LRP12: variants seen among roughly 807,000 people sequenced by gnomAD.
The protein encoded by LRP12 is LDL receptor related protein 12.
Under a neutral mutation model 66.0 loss-of-function variants are expected in LRP12, and 14 were observed. That is an observed-to-expected ratio of 0.21 (90% CI 0.14 to 0.33). LRP12 has a LOEUF of 0.33. LRP12 is among the 10% of genes least tolerant of loss of function. The pLI is 1.00. For missense variants in LRP12, 889 were observed against 1,053.4 expected, an observed-to-expected ratio of 0.84 and a Z score of 2.16; for synonymous variants, 357 against 359.1, an observed-to-expected ratio of 0.99 and a Z score of 0.07.
chr8:104,562,092 T>C (rs921010142), intron 1 of LRP12, among the ~76,000 whole-genome samples: 1 of 152,158 alleles, frequency 6.6e-6, no homozygotes, highest in Admixed American at 6.6e-5. Flanking sequence ...GGAAAACAAA[T>C]CCTGGCTCTA....
intron 1 of LRP12, among the ~76,000 whole-genome samples, chr8:104,541,416 CAAGAAT>C (rs922210586): frequency 9.2e-5 from 14 of 152,026 alleles, no homozygotes; most frequent in Non-Finnish European, 1.6e-4. Context: ...CTGTGGTTCA[CAAGAAT>C]AAATATGAGT....
intron 4 of LRP12, 50 bp downstream of exon 4, chr8:104,499,267 A>C: frequency 7.2e-7 from 1 of 1,392,284 alleles, no homozygotes; most frequent in Non-Finnish European, 1.0e-6. Flanking sequence ...GTGACAGAGC[A>C]GTTAATACCA....
At chr8:104,554,804 T>C (rs1481179319) in intron 1 of LRP12, among the ~76,000 whole-genome samples, 1 of 152,090 alleles carries the variant, frequency 6.6e-6, no homozygotes, top group African/African-American at 2.4e-5. Context: ...AAAAAGATCA[T>C]CACCTAGGCA....
Position 104,588,865 on chromosome 8 carries a change from C to T in LRP12, c.33G>A (p.Pro11=). The change falls in exon 1 of 7, where the codon CCG becomes CCA. Residue 11 remains proline (P), a synonymous_variant. Coordinates refer to ENST00000276654, the MANE Select transcript of LRP12 (RefSeq NM_013437.5). MACRWSTKES[P]RWRSALLLLF... is the part of the protein sequence containing the mutation. Reference sequence around the variant, plus strand: ...GCAAGAGCAACGCAGACCTCCACCGCGGAGACTCTTTTGTGCTCCAGCGAC... The same window carrying T: ...GCAAGAGCAACGCAGACCTCCACCGTGGAGACTCTTTTGTGCTCCAGCGAC... The T allele has an allele frequency of 6.2e-7, 1 of 1,611,778 alleles. No homozygotes were observed. Among genetic ancestry groups the T allele is most frequent in the Non-Finnish European group, 8.5e-7 (1 of 1,179,128 alleles).
chr8:104,493,069 T>C (rs943678522), intron 6 of LRP12, among the ~76,000 whole-genome samples: 1 of 152,162 alleles, frequency 6.6e-6, no homozygotes, highest in Admixed American at 6.5e-5. Flanking sequence ...ACTTTAACAT[T>C]TGGTTTGTCA....
chr8:104,580,676 T>C (rs535646387), intron 1 of LRP12, among the ~76,000 whole-genome samples: 2 of 152,234 alleles, frequency 1.3e-5, no homozygotes, highest in South Asian at 4.1e-4. Context: ...AACAATCATA[T>C]GAAATATAGC....
Position 104,550,465 on chromosome 8 carries a change from C to T in LRP12, c.80-18502G>A, listed in dbSNP as rs1280848288. 2.0e-5 allele frequency among the ~76,000 whole-genome samples: 3 copies of T among 152,192 alleles called. No individual in the cohort carries two copies. The East Asian group carries it at 5.8e-4, about 29-fold the overall frequency. ...TTAACTTTCTACTGTACAGTTTTGCCTTAATGTCCTAGGTATCTCAAACTA... is the reference window on the plus strand; with the variant it reads ...TTAACTTTCTACTGTACAGTTTTGCTTTAATGTCCTAGGTATCTCAAACTA... On this transcript the variant is annotated intron_variant, in intron 1 of 6. Transcript: ENST00000276654.
In LRP12 at chr8:104,509,995, A is replaced by T. The variant is rs143056110; in HGVS notation, c.137-921T>A. ...TGTTTTGGGCAGGCAAGGAAATTTC[A>T]AACTGGATCACTGAATAAGAGTTCA... On this transcript the variant is annotated intron_variant, in intron 2 of 6. Coordinates refer to ENST00000276654, the MANE Select transcript of LRP12 (RefSeq NM_013437.5). Among the ~76,000 whole-genome samples the T allele has an allele frequency of 5.3e-5, 8 of 152,352 alleles. No individual in the cohort carries two copies. In the East Asian group the frequency reaches 1.4e-3, roughly 26 times the overall value.
chr8:104,553,186 C>T (rs987193142), intron 1 of LRP12, among the ~76,000 whole-genome samples: 5 of 152,076 alleles, frequency 3.3e-5, no homozygotes, highest in African/African-American at 1.2e-4. Context: ...TCCAGTTGAA[C>T]TTTGTAACAA....
intron 1 of LRP12, among the ~76,000 whole-genome samples, chr8:104,547,622 AATATATAAT>A (rs1811608505): frequency 8.0e-6 from 1 of 125,572 alleles, no homozygotes; most frequent in African/African-American, 3.1e-5. Context: ...ATAATATATT[AATATATAAT>A]AAATATATAT....
intron 1 of LRP12, among the ~76,000 whole-genome samples, chr8:104,547,580 A>G (rs571844793): frequency 0.014 from 1,757 of 122,698 alleles, 18 homozygotes; most frequent in Non-Finnish European, 0.023. Flanking sequence ...ATTATTATAT[A>G]TTAATATATA....
chr8:104,508,814 G>C, intron 3 of LRP12, 125 bp downstream of exon 3: 1 of 791,980 alleles, frequency 1.3e-6, no homozygotes, highest in Non-Finnish European at 2.0e-6. Flanking sequence ...ATAGCTAATA[G>C]CTGTTCTTTA....
chr8:104,553,559 C>T (rs1811759196), intron 1 of LRP12, among the ~76,000 whole-genome samples: 1 of 152,144 alleles, frequency 6.6e-6, no homozygotes, highest in Admixed American at 6.5e-5. Context: ...GAGAACTACA[C>T]CTTCATTCCC....
rs965823334 is a variant in LRP12, at chr8:104,585,753, T to A, written c.79+3066A>T. Among the ~76,000 whole-genome samples, 6 of 152,106 alleles carry A rather than the reference T, an allele frequency of 3.9e-5. No individual in the cohort carries two copies. The East Asian group carries it at 9.6e-4, about 24-fold the overall frequency. ...CATAGTACCCGAAGCAATGTGTATT[T>A]TAAGGGTGGGTTTGAGTAAAAGTTA... On this transcript the variant is annotated intron_variant, in intron 1 of 6. Coordinates refer to ENST00000276654, the MANE Select transcript of LRP12 (RefSeq NM_013437.5).
chr8:104,547,625 A>G (rs2140875931), intron 1 of LRP12, among the ~76,000 whole-genome samples: 1 of 125,874 alleles, frequency 7.9e-6, no homozygotes, highest in East Asian at 2.2e-4. Flanking sequence ...ATATATTAAT[A>G]TATAATAAAT....
At position 104,588,964 on chromosome 8, in the gene LRP12, ACGC is replaced by A. The variant is rs146897880; in HGVS notation, c.-70_-68del. The A allele has an allele frequency of 4.9e-4, 445 of 905,798 alleles. 3 individuals carry two copies. The highest frequency in any genetic ancestry group is 1.6e-3 in the East Asian group (46 of 28,288). 56.1% of individuals were successfully genotyped at this position (905,798 alleles called of 1,614,324 possible). A position where few individuals can be genotyped will look rare whatever the true frequency, so the allele number is the denominator to read the frequency against. On this transcript the variant is annotated 5_prime_UTR_variant, in exon 1 of 7. Transcript: ENST00000276654. ...AGGGAGGAGAAGCTGGAGGTAGACG[ACGC>A]CGACGCCGCCGCCGCCGCCGCCGCC...
At chr8:104,569,766 C>G (rs1382811907) in intron 1 of LRP12, among the ~76,000 whole-genome samples, 4 of 152,014 alleles carry the variant, frequency 2.6e-5, no homozygotes, top group Non-Finnish European at 5.9e-5. Flanking sequence ...GGCAAGCACT[C>G]TCACCACTCC....
chr8:104,531,969 A>G lies in LRP12; in HGVS notation c.80-6T>C. The G allele has an allele frequency of 1.3e-6, 2 of 1,574,684 alleles. No homozygotes were observed. The highest frequency in any genetic ancestry group is 1.7e-6 in the Non-Finnish European group (2 of 1,157,420). On this transcript the variant is annotated splice_region_variant and splice_polypyrimidine_tract_variant and intron_variant, in intron 1 of 6. Coordinates refer to ENST00000276654, the MANE Select transcript of LRP12 (RefSeq NM_013437.5). Reference sequence around the variant, plus strand: ...TTCTGCAAGAGCACCATTTCCTAAAATTAAACATAATGAATAAACTAATAT... The same window carrying G: ...TTCTGCAAGAGCACCATTTCCTAAAGTTAAACATAATGAATAAACTAATAT...
rs750542298 is a variant in LRP12, at chr8:104,551,330, T to C, written c.80-19367A>G. ...ACGTATTGAGTTATAAGCATATTAC[T>C]ACCACAATCCTCATCATATTTTGGG... On this transcript the variant is annotated intron_variant, in intron 1 of 6. Transcript: ENST00000276654. 2.4e-4 allele frequency among the ~76,000 whole-genome samples: 37 copies of C among 152,310 alleles called. No homozygotes were observed. The Middle Eastern group carries it at 0.017, about 70-fold the overall frequency.
Sources: gnomAD v4.1 joint callset for allele counts (sites outside exome capture counted in the v4.1 genomes callset) on GRCh38, gnomAD v4.1.1 for gene constraint, MANE v1.5 for transcripts, NCBI Gene and HGNC (gene_info 2026-07-23, HGNC 2026-07-21) for gene names.